Variants in RAMP3 observed in about 807,000 individuals in gnomAD.
RAMP3 encodes the protein receptor activity modifying protein 3.
Under a neutral mutation model 13.5 loss-of-function variants are expected in RAMP3, and 14 were observed. That is an observed-to-expected ratio of 1.04 (90% CI 0.69 to 1.63). The LOEUF (loss-of-function observed/expected upper bound fraction) is 1.63. RAMP3 is among the 40% of genes most tolerant of loss of function. The probability of loss-of-function intolerance (pLI) is 0.00; values close to 1 mark genes in which losing one functional copy is unlikely to be tolerated. For synonymous variants in RAMP3, 106 were observed against 88.3 expected, an observed-to-expected ratio of 1.20 and a Z score of -1.12; for missense variants, 200 against 204.8, an observed-to-expected ratio of 0.98 and a Z score of 0.14.
At chr7:45,176,753 G>A (rs1469563777) in intron 1 of RAMP3, among the ~76,000 whole-genome samples, 1 of 152,242 alleles carries the variant, frequency 6.6e-6, no homozygotes, top group Non-Finnish European at 1.5e-5. Flanking sequence ...CCCTGAGAAA[G>A]TCCAAAGGAC....
chr7:45,168,431 T>A (rs931123886), intron 1 of RAMP3, among the ~76,000 whole-genome samples: 16 of 96,648 alleles, frequency 1.7e-4, no homozygotes, highest in Admixed American at 7.8e-4. Context: ...AAAAAAAAAA[T>A]TCTTTCAACA....
At chr7:45,177,198 G>A in intron 1 of RAMP3, 111 bp from the exon 2 acceptor site, 1 of 1,421,268 alleles carries the variant, frequency 7.0e-7, no homozygotes, top group Non-Finnish European at 9.7e-7. Flanking sequence ...TCTCAGGCTT[G>A]CAAACGGAGC....
intron 1 of RAMP3, among the ~76,000 whole-genome samples, chr7:45,158,319 G>A (rs979881357): frequency 3.9e-5 from 6 of 152,148 alleles, no homozygotes; most frequent in Admixed American, 3.9e-4. Flanking sequence ...CACTCACAGG[G>A]GCGTGGGCGG....
chr7:45,167,647 T>C (rs1399524766), intron 1 of RAMP3, among the ~76,000 whole-genome samples: 1 of 151,174 alleles, frequency 6.6e-6, no homozygotes, highest in African/African-American at 2.4e-5. Flanking sequence ...CACCGCAACC[T>C]CCGCCTCCCG....
intron 1 of RAMP3, among the ~76,000 whole-genome samples, chr7:45,172,498 C>T (rs1282484227): frequency 6.6e-6 from 1 of 152,190 alleles, no homozygotes; most frequent in Non-Finnish European, 1.5e-5. Context: ...TTTCTTTCAA[C>T]AGAGTCTCAC....
intron 1 of RAMP3, among the ~76,000 whole-genome samples, chr7:45,167,742 A>G (rs924316833): frequency 3.3e-5 from 5 of 150,286 alleles, no homozygotes; most frequent in African/African-American, 9.8e-5. Flanking sequence ...ATGCGCCACC[A>G]CGCCCGGGTA....
intron 1 of RAMP3, among the ~76,000 whole-genome samples, chr7:45,159,675 A>T (rs1785827177): frequency 6.6e-6 from 1 of 152,132 alleles, no homozygotes; most frequent in African/African-American, 2.4e-5. Context: ...TGCAATGTAG[A>T]TGTAATAATA....
In RAMP3 at chr7:45,171,246, C is replaced by T. The variant is rs376824626; in HGVS notation, c.59-6063C>T. On this transcript the variant is annotated intron_variant, in intron 1 of 2. Coordinates refer to ENST00000242249, the MANE Select transcript of RAMP3 (RefSeq NM_005856.3). ...TCTCGGCCCACTGCAACCTCTGCCT[C>T]CTGGGTTCAAGCGATTCTCCTGCCT... 4.0e-5 allele frequency among the ~76,000 whole-genome samples: 6 copies of T among 150,398 alleles called. No homozygotes were observed. In the East Asian group the frequency reaches 9.9e-4, roughly 25 times the overall value.
rs73692231 is a variant in RAMP3, at chr7:45,184,147, T to C, written c.*735T>C. The C allele has an allele frequency of 6.1e-3, 2,427 of 398,828 alleles. 41 individuals carry two copies. Among genetic ancestry groups the C allele is most frequent in the African/African-American group, 0.045 (2,218 of 48,754 alleles). The allele number at this position is 398,828 out of a possible 1,614,324, so 24.7% of individuals were successfully genotyped here. A position where few individuals can be genotyped will look rare whatever the true frequency, so the allele number is the denominator to read the frequency against. On this transcript the variant is annotated 3_prime_UTR_variant, in exon 3 of 3. Transcript: ENST00000242249. The stretch of plus-strand genomic sequence containing the variant: ...GCCTGGGCCTCCTTCCTACAGGGGC[T>C]CCTCTGTGGGTGAGGGGCCCTCTGG...
At chr7:45,171,075 G>A (rs143616709) in intron 1 of RAMP3, among the ~76,000 whole-genome samples, 2 of 151,192 alleles carry the variant, frequency 1.3e-5, no homozygotes, top group Non-Finnish European at 2.9e-5. Flanking sequence ...ATTTTCTTTG[G>A]CCTATTGGTT....
At chr7:45,165,760 C>G (rs1785948786) in intron 1 of RAMP3, among the ~76,000 whole-genome samples, 1 of 152,222 alleles carries the variant, frequency 6.6e-6, no homozygotes, top group Admixed American at 6.5e-5. Context: ...TTTGCTTGTT[C>G]TGCACATTTA....
At chr7:45,162,173 C>A (rs3779395) in intron 1 of RAMP3, among the ~76,000 whole-genome samples, 2 of 152,258 alleles carry the variant, frequency 1.3e-5, no homozygotes, top group South Asian at 2.1e-4. Context: ...CAGAGGGAGG[C>A]CTTGGGAAAG....
In RAMP3 at chr7:45,183,567, C is replaced by T. The variant is rs1311916092; in HGVS notation, c.*155C>T. The T allele has an allele frequency of 1.2e-5, 13 of 1,114,090 alleles. No homozygotes were observed. Among genetic ancestry groups the T allele is most frequent in the Non-Finnish European group, 1.7e-5 (13 of 781,182 alleles). The allele number at this position is 1,114,090 out of a possible 1,614,324, so 69.0% of individuals were successfully genotyped here. On this transcript the variant is annotated 3_prime_UTR_variant, in exon 3 of 3. Transcript: ENST00000242249. Reference sequence around the variant, plus strand: ...CTCCCTTCCTGGGCTGACCTGCTCCCTCGAGGCCAGCCTGCTCCCTGGCTG... The same window carrying T: ...CTCCCTTCCTGGGCTGACCTGCTCCTTCGAGGCCAGCCTGCTCCCTGGCTG...
In RAMP3 at chr7:45,183,138, A is replaced by AC. The variant is rs1386909884; in HGVS notation, c.192-14dup. 1 of 1,605,642 alleles carries AC rather than the reference A, an allele frequency of 6.2e-7. No homozygotes were observed. The highest frequency in any genetic ancestry group is 8.5e-7 in the Non-Finnish European group (1 of 1,178,654). On this transcript the variant is annotated intron_variant, in intron 2 of 2. Transcript: ENST00000242249. ...GGGGGATGGCGAGAGCCTGGCTTTC[A>AC]CCCCCTCTGCTTTTGCAGGTACTAT...
At chr7:45,178,121 A>G (rs967516757) in intron 2 of RAMP3, among the ~76,000 whole-genome samples, 5 of 152,054 alleles carry the variant, frequency 3.3e-5, no homozygotes, top group African/African-American at 1.2e-4. Context: ...AGCTGGGTGG[A>G]CATTGTCATG....
chr7:45,183,612 A>C lies in RAMP3; in HGVS notation c.*200A>C. 1.4e-6 allele frequency: 1 copy of C among 713,922 alleles called. No homozygotes were observed. Among genetic ancestry groups the C allele is most frequent in the Non-Finnish European group, 2.3e-6 (1 of 437,282 alleles). 44.2% of individuals were successfully genotyped at this position (713,922 alleles called of 1,614,324 possible). A position where few individuals can be genotyped will look rare whatever the true frequency, so the allele number is the denominator to read the frequency against. On this transcript the variant is annotated 3_prime_UTR_variant, in exon 3 of 3. Transcript: ENST00000242249. ...TGGCTGAGGCTCAGGCTATCCGCCC[A>C]AGCTCTTTGCTCATTCTAGGGCCAG...
intron 1 of RAMP3, among the ~76,000 whole-genome samples, chr7:45,160,384 G>C (rs946229493): frequency 1.4e-5 from 2 of 142,948 alleles, no homozygotes; most frequent in East Asian, 4.4e-4. Flanking sequence ...CTTGAAGGTG[G>C]TGATTGGCCA....
chr7:45,179,680 T>C (rs879376318), intron 2 of RAMP3, among the ~76,000 whole-genome samples: 3 of 152,004 alleles, frequency 2.0e-5, no homozygotes, highest in Non-Finnish European at 4.4e-5. Flanking sequence ...AGTCCAGGCG[T>C]AACACCAAGA....
intron 2 of RAMP3, 29 bp downstream of exon 2, chr7:45,177,470 G>T: frequency 6.2e-7 from 1 of 1,613,568 alleles, no homozygotes; most frequent in South Asian, 1.1e-5. Context: ...CGTGGGATTT[G>T]CTCTGACCAC....
Sources: gnomAD v4.1 joint callset for allele counts (sites outside exome capture counted in the v4.1 genomes callset) on GRCh38, gnomAD v4.1.1 for gene constraint, MANE v1.5 for transcripts, NCBI Gene and HGNC (gene_info 2026-07-23, HGNC 2026-07-21) for gene names.